Variants in PRDM16 observed in about 807,000 individuals in gnomAD.
The protein encoded by PRDM16 is PR/SET domain 16, also known as histone-lysine N-methyltransferase PRDM16.
A neutral mutation model predicts 110.6 loss-of-function variants in PRDM16; 23 were observed. That is an observed-to-expected ratio of 0.21 (90% CI 0.15 to 0.29). The LOEUF (loss-of-function observed/expected upper bound fraction) is 0.29, where lower values mean the gene tolerates loss of function less well. Ranked by LOEUF, PRDM16 falls within the 10% of genes least tolerant of loss-of-function variation. The pLI is 1.00. For missense variants in PRDM16, 1,615 were observed against 1,794.3 expected (o/e 0.90, Z 1.81); for synonymous variants, 799 against 781.8 (o/e 1.02, Z -0.37).
chr1:3,325,739 C>A (rs1641874415), intron 3 of PRDM16, among the ~76,000 whole-genome samples: 1 of 152,208 alleles, frequency 6.6e-6, no homozygotes, highest in African/African-American at 2.4e-5. Context: ...CCATCCTTGG[C>A]CCTCCTTGGA....
chr1:3,296,977 C>T (rs1641102523), intron 3 of PRDM16, among the ~76,000 whole-genome samples: 1 of 152,210 alleles, frequency 6.6e-6, no homozygotes, highest in Non-Finnish European at 1.5e-5. Flanking sequence ...AACACAAAGC[C>T]TATTTCAGGG....
Position 3,165,571 on chromosome 1 carries a change from GGA to G in PRDM16, c.38-20553_38-20552del, listed in dbSNP as rs1355768721. 2.0e-4 allele frequency among the ~76,000 whole-genome samples: 24 copies of G among 117,944 alleles called. 1 individual carries two copies. Among genetic ancestry groups the G allele is most frequent in the Admixed American group, 3.2e-4 (4 of 12,634 alleles). The allele number at this position is 117,944 out of a possible 152,430, so 77.4% of individuals were successfully genotyped here. A position where few individuals can be genotyped will look rare whatever the true frequency, so the allele number is the denominator to read the frequency against. On this transcript the variant is annotated intron_variant, in intron 1 of 16. Transcript: ENST00000270722. ...GGGACAGGGACTCACCAGGGCTCAGGGACAGGGACTCACCTGGGCCCAGGGAC... is the reference window on the plus strand; with the variant it reads ...GGGACAGGGACTCACCAGGGCTCAGGCAGGGACTCACCTGGGCCCAGGGAC...
chr1:3,233,891 T>TTA (rs1639476922), intron 2 of PRDM16, among the ~76,000 whole-genome samples: 1 of 144,230 alleles, frequency 6.9e-6, no homozygotes. Flanking sequence ...GGGGTTTTTT[T>TTA]AAAAAAAAAA....
At chr1:3,369,055 T>C (rs80262389) in intron 3 of PRDM16, among the ~76,000 whole-genome samples, 2,526 of 152,330 alleles carry the variant, frequency 0.017, 73 homozygotes, top group African/African-American at 0.058. Context: ...CTTAAATAGA[T>C]GTCTGAACGT....
rs79350988 is a variant in PRDM16 at position 3,421,423 on chromosome 1, C to T, written c.2939+2679C>T. On this transcript the variant is annotated intron_variant, in intron 12 of 16. Transcript: ENST00000270722. Reference sequence around the variant, plus strand: ...ACGTTCTCCTTCCTTTTGGAGCTCACGGGCGTGTTATTTTACGCAGTGAGA... The same window carrying T: ...ACGTTCTCCTTCCTTTTGGAGCTCATGGGCGTGTTATTTTACGCAGTGAGA... Among the ~76,000 whole-genome samples, 313 of 152,298 alleles carry T rather than the reference C, an allele frequency of 2.1e-3. 1 individual carries two copies. The East Asian group carries it at 0.043, about 21-fold the overall frequency.
At chr1:3,332,307 C>T (rs928476549) in intron 3 of PRDM16, among the ~76,000 whole-genome samples, 2 of 152,086 alleles carry the variant, frequency 1.3e-5, no homozygotes, top group African/African-American at 2.4e-5. Flanking sequence ...GTTTCTCATA[C>T]GTTTCAATTA....
At position 3,425,445 on chromosome 1, in the gene PRDM16, C is replaced by A; in HGVS notation, c.2940-136C>A. 1 of 920,772 alleles carries A rather than the reference C, an allele frequency of 1.1e-6. No individual in the cohort carries two copies. Among genetic ancestry groups the A allele is most frequent in the Non-Finnish European group, 1.6e-6 (1 of 622,600 alleles). The allele number at this position is 920,772 out of a possible 1,614,324, so 57.0% of individuals were successfully genotyped here. On this transcript the variant is annotated intron_variant, in intron 12 of 16. Coordinates refer to ENST00000270722, the MANE Select transcript of PRDM16 (RefSeq NM_022114.4). The surrounding 1 kb of genome is among the most constrained non-coding windows in gnomAD (Gnocchi z 6.9). ...GCTCTGCAGCTGGGAGATCCAGCAA[C>A]CTCCGGGACACGGCGGGGCAAAGCT... is the stretch of plus-strand genomic sequence containing the variant.
At chr1:3,253,506 A>G (rs1219355856) in intron 3 of PRDM16, among the ~76,000 whole-genome samples, 3 of 151,254 alleles carry the variant, frequency 2.0e-5, no homozygotes, top group Non-Finnish European at 2.9e-5. Flanking sequence ...ATGATTTCCA[A>G]TTTCATCCAT....
chr1:3,327,181 C>T (rs955519266), intron 3 of PRDM16, among the ~76,000 whole-genome samples: 19 of 152,252 alleles, frequency 1.2e-4, no homozygotes, highest in African/African-American at 4.3e-4. Flanking sequence ...TGGCAGGGCA[C>T]CCCCTCAAGA....
chr1:3,420,687 T>C (rs1261995037), intron 12 of PRDM16, among the ~76,000 whole-genome samples: 2 of 152,226 alleles, frequency 1.3e-5, no homozygotes, highest in Non-Finnish European at 2.9e-5. Context: ...TAGCTTCTCC[T>C]GGCCTAGAGG....
chr1:3,268,140 C>T (rs186948399), intron 3 of PRDM16, among the ~76,000 whole-genome samples: 121 of 152,306 alleles, frequency 7.9e-4, no homozygotes, highest in African/African-American at 2.6e-3. Context: ...TCCTAGACTT[C>T]GGCTGGCCCA....
rs988322491 is a variant in PRDM16 at position 3,359,896 on chromosome 1, G to C, written c.439-25256G>C. ...CCATGTGCAGGATCTCTTGGAAGAC[G>C]GATGCCGTGTGCACGCAAAGACGGC... is the stretch of plus-strand genomic sequence containing the variant. On this transcript the variant is annotated intron_variant, in intron 3 of 16. Coordinates refer to ENST00000270722, the MANE Select transcript of PRDM16 (RefSeq NM_022114.4). The surrounding 1 kb of genome is among the most constrained non-coding windows in gnomAD (Gnocchi z 4.3). Among the ~76,000 whole-genome samples, 3 of 152,222 alleles carry C rather than the reference G, an allele frequency of 2.0e-5. No homozygotes were observed. Among genetic ancestry groups the C allele is most frequent in the African/African-American group, 7.2e-5 (3 of 41,462 alleles).
At position 3,268,787 on chromosome 1, in the gene PRDM16, C is replaced by T. The variant is rs180830782; in HGVS notation, c.438+24650C>T. Among the ~76,000 whole-genome samples, 56 of 152,282 alleles carry T rather than the reference C, an allele frequency of 3.7e-4. No individual in the cohort carries two copies. In the East Asian group the frequency reaches 8.9e-3, roughly 24 times the overall value. On this transcript the variant is annotated intron_variant, in intron 3 of 16. Coordinates refer to ENST00000270722, the MANE Select transcript of PRDM16 (RefSeq NM_022114.4). ...AGTATTCTAATATTCCTGGTATATT[C>T]GAGGAGGGCAGCCGTGAGCCATGAC...
intron 3 of PRDM16, among the ~76,000 whole-genome samples, chr1:3,315,266 A>G (rs1209954209): frequency 6.7e-6 from 1 of 149,172 alleles, no homozygotes; most frequent in Non-Finnish European, 1.5e-5. Context: ...CAGCAGCCCA[A>G]ATAAATCAAG....
intron 3 of PRDM16, among the ~76,000 whole-genome samples, chr1:3,254,938 G>C (rs2100230723): frequency 6.6e-6 from 1 of 152,290 alleles, no homozygotes; most frequent in South Asian, 2.1e-4. Context: ...AAAACAGCAT[G>C]GTACTGGAAC....
At chr1:3,138,323 G>C (rs566949090) in intron 1 of PRDM16, among the ~76,000 whole-genome samples, 1 of 152,356 alleles carries the variant, frequency 6.6e-6, no homozygotes, top group South Asian at 2.1e-4. Flanking sequence ...AGAGCTGGAG[G>C]CAGCACCCAT....
chr1:3,200,056 C>A (rs2102131), intron 2 of PRDM16, among the ~76,000 whole-genome samples: 2,803 of 152,368 alleles, frequency 0.018, 43 homozygotes, highest in Middle Eastern at 0.051. Context: ...AGATATCAGA[C>A]TGGAGGTAAA....
At chr1:3,223,770 G>C (rs955170785) in intron 2 of PRDM16, among the ~76,000 whole-genome samples, 1 of 152,160 alleles carries the variant, frequency 6.6e-6, no homozygotes, top group African/African-American at 2.4e-5. Context: ...CCGGAATGGA[G>C]GGGGTCGGCG....
chr1:3,336,381 T>G (rs549783766), intron 3 of PRDM16, among the ~76,000 whole-genome samples: 1 of 152,306 alleles, frequency 6.6e-6, no homozygotes, highest in East Asian at 1.9e-4. Flanking sequence ...TGTGCATATT[T>G]GTAAGCAAAT....
Sources: gnomAD v4.1 joint callset for allele counts (sites outside exome capture counted in the v4.1 genomes callset) on GRCh38, gnomAD v4.1.1 for gene constraint, Gnocchi (gnomAD v3.1) non-coding constraint, MANE v1.5 for transcripts, NCBI Gene and HGNC (gene_info 2026-07-23, HGNC 2026-07-21) for gene names.